Variants in NOL9 observed in about 807,000 individuals in gnomAD.
NOL9 encodes polynucleotide 5'-hydroxyl-kinase NOL9.
A neutral mutation model predicts 67.9 loss-of-function variants in NOL9; 28 were observed. The ratio of observed to expected loss-of-function variants is 0.41; its 90% CI spans 0.31 to 0.57. The LOEUF is 0.57. NOL9 is among the 20% of genes least tolerant of loss of function. NOL9 has a pLI of 0.25. For synonymous variants in NOL9, 356 were observed against 352.2 expected (o/e 1.01, Z -0.12); for missense variants, 777 against 897.0 (o/e 0.87, Z 1.71).
rs1180133453 is a variant in NOL9, at chr1:6,554,356, C to T, written c.147G>A (p.Arg49=). The T allele has an allele frequency of 6.9e-7, 1 of 1,453,216 alleles. No individual in the cohort carries two copies. Among genetic ancestry groups the T allele is most frequent in the Non-Finnish European group, 9.0e-7 (1 of 1,112,302 alleles). 90.0% of individuals were successfully genotyped at this position (1,453,216 alleles called of 1,614,324 possible). A position where few individuals can be genotyped will look rare whatever the true frequency, so the allele number is the denominator to read the frequency against. Residue 49 remains arginine, a synonymous_variant, in exon 1 of 12, where the codon CGG becomes CGA. Transcript: ENST00000377705. The part of the protein sequence containing the change: ...SLRWCGRRRL[R]WRLLQAQASG... Reference sequence around the variant, plus strand: ...ACGCCTGGGCTTGCAGTAACCGCCACCGTAGGCGCCGCCGACCGCACCAGC... The same window carrying T: ...ACGCCTGGGCTTGCAGTAACCGCCATCGTAGGCGCCGCCGACCGCACCAGC...
chr1:6,544,886 C>G lies in NOL9; in HGVS notation c.917G>C (p.Gly306Ala), dbSNP rs1382344011. 3 of 1,614,232 alleles carry G rather than the reference C, an allele frequency of 1.9e-6. No homozygotes were observed. The highest frequency in any genetic ancestry group is 1.7e-6 in the Non-Finnish European group (2 of 1,180,040). The change falls in exon 5 of 12, where the codon GGA becomes GCA. Residue 306 changes from glycine to alanine, a missense_variant. Gly to Ala is a moderately conservative substitution (Grantham distance 60). This residue lies in a region of NOL9 where 413 missense variants were observed against 552.6 expected (regional missense o/e 0.75). Transcript: ENST00000377705. The stretch of plus-strand genomic sequence containing the variant: ...TGTTGACTTTCCAACATCCTGGGAT[C>G]CACAAACTAGAATGACAGGGCAGCC... ...VDGCPVILVCGSQDVGKSTFN... is the reference protein window; with the variant it reads ...VDGCPVILVCASQDVGKSTFN...
rs539851383 is a variant in NOL9, at chr1:6,547,974, G to A, written c.744+1597C>T. On this transcript the variant is annotated intron_variant, in intron 3 of 11. Transcript: ENST00000377705. ...CATCATAGGCTTCCTACAATACACC[G>A]TCATAGGCTTCCTACAATACAGGCT... 1.1e-5 allele frequency: 3 copies of A among 280,324 alleles called. No individual in the cohort carries two copies. The South Asian group carries it at 1.1e-4, about 10-fold the overall frequency. 17.4% of individuals were successfully genotyped at this position (280,324 alleles called of 1,614,324 possible).
At chr1:6,527,173 G>A (rs1249578888) in intron 10 of NOL9, among the ~76,000 whole-genome samples, 1 of 151,914 alleles carries the variant, frequency 6.6e-6, no homozygotes, top group Non-Finnish European at 1.5e-5. Flanking sequence ...CTTGAACCCG[G>A]GAGGTGGAGC....
rs12047931 is a variant in NOL9, at chr1:6,527,554, C to A, written c.1826-725G>T. On this transcript the variant is annotated intron_variant, in intron 10 of 11. Transcript: ENST00000377705. ...CCCAGCTACTCGGGAGTCTGAGACA[C>A]AAGAATCACTTGAACTCGGGAGGCA... Among the ~76,000 whole-genome samples the A allele has an allele frequency of 3.4e-5, 5 of 146,300 alleles. No individual in the cohort carries two copies. The East Asian group carries it at 1.0e-3, about 30-fold the overall frequency.
chr1:6,526,913 G>T, intron 10 of NOL9, 84 bp from the exon 11 acceptor site: 1 of 1,463,736 alleles, frequency 6.8e-7, no homozygotes, highest in South Asian at 1.4e-5. Flanking sequence ...GAATGGTTTT[G>T]AACATAAGTC....
chr1:6,532,256 T>G, intron 8 of NOL9, 177 bp from the exon 9 acceptor site: 1 of 720,234 alleles, frequency 1.4e-6, no homozygotes, highest in East Asian at 2.7e-5. Context: ...AAGTCAAAGT[T>G]GCTGGCAGCC....
chr1:6,536,409 G>A (rs934329836), intron 6 of NOL9, among the ~76,000 whole-genome samples: 2 of 152,070 alleles, frequency 1.3e-5, no homozygotes, highest in East Asian at 3.9e-4. Flanking sequence ...GCTAATAATA[G>A]CTGTCATCCT....
chr1:6,526,693 C>T lies in NOL9; in HGVS notation c.1959+3G>A, dbSNP rs760259932. The T allele has an allele frequency of 2.5e-6, 4 of 1,609,750 alleles. No individual in the cohort carries two copies. The South Asian group carries it at 4.4e-5, about 18-fold the overall frequency. On this transcript the variant is annotated splice_donor_region_variant and intron_variant, in intron 11 of 11. Coordinates refer to ENST00000377705, the MANE Select transcript of NOL9 (RefSeq NM_024654.5). ...CCAGGGCTGTGCCCGGGGGAAGGCT[C>T]ACCTGGCACTTAAGGACACAATGTG...
At chr1:6,544,213 G>A (rs1260304329) in intron 5 of NOL9, among the ~76,000 whole-genome samples, 5 of 151,704 alleles carry the variant, frequency 3.3e-5, no homozygotes, top group Non-Finnish European at 5.9e-5. Flanking sequence ...AACCCAGGAC[G>A]TCAAGGCTGC....
At chr1:6,535,085 C>T (rs375021230) in intron 6 of NOL9, among the ~76,000 whole-genome samples, 3 of 152,180 alleles carry the variant, frequency 2.0e-5, no homozygotes, top group African/African-American at 7.2e-5. Context: ...GCTAGGATTA[C>T]AGGCATGAAG....
In NOL9 at chr1:6,523,579, C is replaced by CAAAAAAAAAA. The variant is rs35288271; in HGVS notation, c.*2265_*2274dup. ...GGGCAACAAGAGCGAAACTCCATCT[C>CAAAAAAAAAA]AAAAAAAAAAAAAAAAAAAAAAAAG... On this transcript the variant is annotated 3_prime_UTR_variant, in exon 12 of 12. Coordinates refer to ENST00000377705, the MANE Select transcript of NOL9 (RefSeq NM_024654.5). The CAAAAAAAAAA allele has an allele frequency of 1.9e-5, 1 of 51,440 alleles. No individual in the cohort carries two copies. Among genetic ancestry groups the CAAAAAAAAAA allele is most frequent in the African/African-American group, 8.3e-5 (1 of 12,076 alleles). 3.2% of individuals were successfully genotyped at this position (51,440 alleles called of 1,614,324 possible). A position where few individuals can be genotyped will look rare whatever the true frequency, so the allele number is the denominator to read the frequency against.
At chr1:6,530,192 C>T (rs1638989976) in intron 9 of NOL9, among the ~76,000 whole-genome samples, 1 of 152,142 alleles carries the variant, frequency 6.6e-6, no homozygotes, top group Non-Finnish European at 1.5e-5. Context: ...AGAGGACACG[C>T]CTGTAATCCC....
chr1:6,531,475 A>G (rs1480321496), intron 9 of NOL9, among the ~76,000 whole-genome samples: 1 of 151,998 alleles, frequency 6.6e-6, no homozygotes, highest in Non-Finnish European at 1.5e-5. Flanking sequence ...GGCCTCCCAA[A>G]GTGCTGGGAT....
rs994273357 is a variant in NOL9, at chr1:6,521,465, C to T, written c.*4389G>A. 1.3e-5 allele frequency: 2 copies of T among 152,204 alleles called. No individual in the cohort carries two copies. Among genetic ancestry groups the T allele is most frequent in the African/African-American group, 4.8e-5 (2 of 41,446 alleles). The allele number at this position is 152,204 out of a possible 1,614,324, so 9.4% of individuals were successfully genotyped here. ...ACACACAGCAGAACCCCAGCTGAGA[C>T]ACCTCACAGTGTCAGTGATTACTAT... On this transcript the variant is annotated 3_prime_UTR_variant, in exon 12 of 12. Transcript: ENST00000377705.
rs935855236 is a variant in NOL9 at position 6,543,885 on chromosome 1, G to T, written c.977+941C>A. Among the ~76,000 whole-genome samples the T allele has an allele frequency of 2.0e-5, 3 of 152,196 alleles. No individual in the cohort carries two copies. In the East Asian group the frequency reaches 5.8e-4, roughly 30 times the overall value. On this transcript the variant is annotated intron_variant, in intron 5 of 11. Transcript: ENST00000377705. ...TCACGCCTGTAATCCTAGCACTTTG[G>T]GAGGCTAAGGCGGGCAGATAACCTG...
At chr1:6,544,684 G>C in intron 5 of NOL9, 142 bp downstream of exon 5, 1 of 791,498 alleles carries the variant, frequency 1.3e-6, no homozygotes, top group Non-Finnish European at 2.1e-6. Flanking sequence ...ACGGCAGTGA[G>C]GACCAGATGC....
Position 6,525,860 on chromosome 1 carries a change from C to A in NOL9, c.2103G>T (p.Met701Ile), listed in dbSNP as rs1446841535. 6.2e-7 allele frequency: 1 copy of A among 1,613,910 alleles called. No homozygotes were observed. The highest frequency in any genetic ancestry group is 2.2e-5 in the East Asian group (1 of 44,896). Residue 701 changes from methionine to isoleucine, a missense_variant, in exon 12 of 12, where the codon ATG becomes ATT. Met to Ile is a conservative substitution (Grantham distance 10). Around this residue, in one of 2 missense-constraint regions of NOL9, gnomAD observed 413 missense variants for 552.6 expected, o/e 0.75. Coordinates refer to ENST00000377705, the MANE Select transcript of NOL9 (RefSeq NM_024654.5). ...PYRRPKFCRK[M>I]K ...CTTATTAAAAACGCGAGCATCACTTCATTTTTCGACAGAACTTAGGTCTTC... is the reference window on the plus strand; with the variant it reads ...CTTATTAAAAACGCGAGCATCACTTAATTTTTCGACAGAACTTAGGTCTTC...
At chr1:6,541,598 A>G (rs1445642362) in intron 6 of NOL9, among the ~76,000 whole-genome samples, 1 of 152,234 alleles carries the variant, frequency 6.6e-6, no homozygotes, top group Non-Finnish European at 1.5e-5. Context: ...TTTTGCCACC[A>G]TACCCAACTA....
In NOL9 at chr1:6,545,075, C is replaced by T; in HGVS notation, c.850G>A (p.Ala284Thr). 1 of 1,614,174 alleles carries T rather than the reference C, an allele frequency of 6.2e-7. No individual in the cohort carries two copies. Among genetic ancestry groups the T allele is most frequent in the Non-Finnish European group, 8.5e-7 (1 of 1,180,032 alleles). The change falls in exon 4 of 12, where the codon GCC becomes ACC. Residue 284 changes from alanine (A) to threonine (T), a missense_variant. By Grantham distance (58) the Ala-to-Thr change is moderately conservative. This residue lies in a region of NOL9 where 413 missense variants were observed against 552.6 expected (regional missense o/e 0.75). Coordinates refer to ENST00000377705, the MANE Select transcript of NOL9 (RefSeq NM_024654.5). ...GLQLTESTLSALEELVNVSCE... is the reference protein window; with the variant it reads ...GLQLTESTLSTLEELVNVSCE... ...GAAACATTGACTAACTCTTCCAGGGCTGAAAGGGTACTCTCAGTTAACTGA... is the reference window on the plus strand; with the variant it reads ...GAAACATTGACTAACTCTTCCAGGGTTGAAAGGGTACTCTCAGTTAACTGA...
Sources: gnomAD v4.1 joint callset for allele counts (sites outside exome capture counted in the v4.1 genomes callset) on GRCh38, gnomAD v4.1.1 for gene constraint, gnomAD v4.1.1 regional missense constraint, MANE v1.5 for transcripts, NCBI Gene and HGNC (gene_info 2026-07-23, HGNC 2026-07-21) for gene names.